PTGR2: variants seen among roughly 807,000 people sequenced by gnomAD.
PTGR2 encodes the protein prostaglandin reductase 2.
A neutral mutation model predicts 43.4 loss-of-function variants in PTGR2; 32 were observed. That is an observed-to-expected ratio of 0.74 (90% confidence interval 0.56 to 0.99). The LOEUF is 0.99. Among genes scored for constraint, PTGR2 ranks in the 50% least tolerant of loss-of-function variants. PTGR2 has a pLI of 0.00. For synonymous variants in PTGR2, 106 were observed against 139.2 expected, an observed-to-expected ratio of 0.76 and a Z score of 1.68; for missense variants, 373 against 420.0, an observed-to-expected ratio of 0.89 and a Z score of 0.98.
At chr14:73,879,884 T>C (rs1180107139) in intron 6 of PTGR2, 171 bp from the exon 7 acceptor site, 6 of 559,526 alleles carry the variant, frequency 1.1e-5, no homozygotes, top group Non-Finnish European at 1.3e-5. Flanking sequence ...CTTTGGAATG[T>C]AATTATTTCT....
At chr14:73,880,851 A>C (rs10146883) in intron 7 of PTGR2, among the ~76,000 whole-genome samples, 76,875 of 151,814 alleles carry the variant, frequency 0.51, 19,487 homozygotes, top group South Asian at 0.61. Flanking sequence ...GGCTGGAGTA[A>C]AGTGGCGCGA....
At chr14:73,869,639 A>G (rs2054679903) in intron 3 of PTGR2, among the ~76,000 whole-genome samples, 1 of 152,096 alleles carries the variant, frequency 6.6e-6, no homozygotes, top group African/African-American at 2.4e-5. Context: ...AGTGACTAGC[A>G]TAATGTTTAT....
chr14:73,883,786 T>C (rs1326794395), intron 9 of PTGR2, among the ~76,000 whole-genome samples: 2 of 152,104 alleles, frequency 1.3e-5, no homozygotes, highest in Non-Finnish European at 2.9e-5. Context: ...ATGCCCGGCC[T>C]TCACTCACAT....
chr14:73,866,864 A>C (rs2054606956), intron 3 of PTGR2, among the ~76,000 whole-genome samples: 1 of 151,700 alleles, frequency 6.6e-6, no homozygotes, highest in South Asian at 2.1e-4. Context: ...TGAGGCGGGC[A>C]GATCACCTGA....
chr14:73,874,764 C>A, intron 4 of PTGR2: 1 of 350,858 alleles, frequency 2.9e-6, no homozygotes, highest in Non-Finnish European at 5.6e-6. Flanking sequence ...GGAGGAATTG[C>A]ATGGTAAACA....
At chr14:73,879,069 C>T (rs755544494) in intron 5 of PTGR2, 27 bp from the exon 6 acceptor site, 2 of 1,577,468 alleles carry the variant, frequency 1.3e-6, no homozygotes, top group Non-Finnish European at 1.7e-6. Flanking sequence ...AATATAAAGC[C>T]ATTTAATCTT....
chr14:73,872,943 C>T (rs1234505553), intron 3 of PTGR2, among the ~76,000 whole-genome samples: 2 of 150,962 alleles, frequency 1.3e-5, no homozygotes, highest in African/African-American at 4.9e-5. Context: ...TACCACTACA[C>T]TCCAGCCTGG....
intron 6 of PTGR2, 120 bp from the exon 7 acceptor site, chr14:73,879,933 TAA>T: frequency 3.5e-6 from 3 of 862,218 alleles, no homozygotes; most frequent in East Asian, 2.8e-5. Context: ...ACAGGTAAAT[TAA>T]AAAAAAAATC....
intron 3 of PTGR2, among the ~76,000 whole-genome samples, chr14:73,871,369 A>ATTTTTTTTTTTCT (rs1595362537): frequency 1.6e-5 from 1 of 64,372 alleles, no homozygotes; most frequent in Non-Finnish European, 3.3e-5. Context: ...TTTTTTTTTA[A>ATTTTTTTTTTTCT]TTTTTGTTCT....
At chr14:73,862,499 G>A (rs545756548) in intron 3 of PTGR2, among the ~76,000 whole-genome samples, 2 of 152,032 alleles carry the variant, frequency 1.3e-5, no homozygotes, top group African/African-American at 2.4e-5. Context: ...GAGCCACTGC[G>A]CCTGGCCTAT....
chr14:73,858,401 A>G (rs1416213117), intron 1 of PTGR2: 1 of 156,036 alleles, frequency 6.4e-6, no homozygotes, highest in Non-Finnish European at 1.4e-5. Context: ...AAATACAAAA[A>G]AATTAGCTGG....
chr14:73,857,778 C>T (rs1028422715), intron 1 of PTGR2, among the ~76,000 whole-genome samples: 4 of 148,650 alleles, frequency 2.7e-5, no homozygotes, highest in African/African-American at 5.0e-5. Flanking sequence ...ACGCCATTCT[C>T]CTGCGTCAGC....
At position 73,881,283 on chromosome 14, in the gene PTGR2, A is replaced by T. The variant is rs2054981727; in HGVS notation, c.930A>T (p.Gly310=). ...ILQLSQWFKE[G]KLKIKETVIN... is the part of the protein sequence containing the mutation. ...AGCTGAGTCAGTGGTTTAAAGAAGG[A>T]AAGCTAAAGGTAGAACTTCTATTCT... Residue 310 remains glycine, a synonymous_variant, in exon 8 of 10, where the codon GGA becomes GGT. Coordinates refer to ENST00000555661, the MANE Select transcript of PTGR2 (RefSeq NM_001146154.2). The T allele has an allele frequency of 6.3e-7, 1 of 1,589,376 alleles. No individual in the cohort carries two copies. The highest frequency in any genetic ancestry group is 8.6e-7 in the Non-Finnish European group (1 of 1,157,884).
intron 3 of PTGR2, among the ~76,000 whole-genome samples, chr14:73,869,948 C>A (rs2054687792): frequency 6.6e-6 from 1 of 151,868 alleles, no homozygotes; most frequent in Admixed American, 6.6e-5. Context: ...ATCGCTTGAG[C>A]CGGGGAGGCG....
chr14:73,882,527 G>GCAAGAC, intron 9 of PTGR2, 89 bp downstream of exon 9: 2 of 900,666 alleles, frequency 2.2e-6, no homozygotes, highest in Non-Finnish European at 3.5e-6. Flanking sequence ...TTGAGACGGA[G>GCAAGAC]TCTTGCTCTG....
At chr14:73,883,188 CTTT>C (rs58234739) in intron 9 of PTGR2, among the ~76,000 whole-genome samples, 70 of 58,130 alleles carry the variant, frequency 1.2e-3, no homozygotes, top group South Asian at 4.6e-3. Context: ...CCTCACCTCC[CTTT>C]TTTTTTTTTT....
chr14:73,872,972 CAA>C (rs113631455), intron 3 of PTGR2, among the ~76,000 whole-genome samples: 2 of 135,704 alleles, frequency 1.5e-5, no homozygotes, highest in African/African-American at 2.7e-5. Flanking sequence ...GACTCCATCT[CAA>C]AAAAAAAAAA....
chr14:73,869,630 G>A (rs1347285731), intron 3 of PTGR2, among the ~76,000 whole-genome samples: 1 of 151,728 alleles, frequency 6.6e-6, no homozygotes, highest in Non-Finnish European at 1.5e-5. Context: ...TGTATCTCCA[G>A]TGACTAGCAT....
At chr14:73,856,936 C>A (rs1180654587) in intron 1 of PTGR2, among the ~76,000 whole-genome samples, 3 of 152,186 alleles carry the variant, frequency 2.0e-5, no homozygotes, top group Non-Finnish European at 4.4e-5. Context: ...AGTGCTAGTA[C>A]TGGAAGTTCT....
Sources: gnomAD v4.1 joint callset for allele counts (sites outside exome capture counted in the v4.1 genomes callset) on GRCh38, gnomAD v4.1.1 for gene constraint, MANE v1.5 for transcripts, NCBI Gene and HGNC (gene_info 2026-07-23, HGNC 2026-07-21) for gene names.